DIP2C: variants seen among roughly 807,000 people sequenced by gnomAD.
DIP2C encodes the protein DIP2 acetate--CoA ligase C (putative), also known as disco-interacting protein 2 homolog C.
DIP2C carries 33 observed loss-of-function variants against 192.4 expected under a neutral mutation model. The observed-to-expected ratio is 0.17, with a 90% CI of 0.13 to 0.23. The LOEUF is 0.23. DIP2C is among the 10% of genes least tolerant of loss of function. DIP2C has a pLI of 1.00. For missense variants in DIP2C, 1,537 were observed against 2,110.1 expected, an observed-to-expected ratio of 0.73 and a Z score of 5.32; for synonymous variants, 979 against 864.1, an observed-to-expected ratio of 1.13 and a Z score of -2.33.
rs1171631769 is a variant in DIP2C at position 651,403 on chromosome 10, A to G, written c.85+38091T>C. The G allele has an allele frequency of 4.3e-6, 3 of 699,122 alleles. No homozygotes were observed. Among genetic ancestry groups the G allele is most frequent in the African/African-American group, 1.7e-5 (1 of 57,232 alleles). 43.3% of individuals were successfully genotyped at this position (699,122 alleles called of 1,614,324 possible). ...GCCCCAGCAAACTGTGGAACAACCA[A>G]ACTCGTGACTGAATGAACAAGTATG... is the stretch of plus-strand genomic sequence containing the variant. On this transcript the variant is annotated intron_variant, in intron 1 of 36. Transcript: ENST00000280886. This position sits in a 1 kb window ranked among gnomAD's most constrained non-coding sequence, Gnocchi z 4.1.
chr10:339,795 C>T (rs1047597396), intron 29 of DIP2C, among the ~76,000 whole-genome samples: 1 of 152,078 alleles, frequency 6.6e-6, no homozygotes, highest in African/African-American at 2.4e-5. Context: ...CTGAATTGTC[C>T]TAATTAGAAT....
At chr10:505,347 A>G (rs1201839222) in intron 1 of DIP2C, among the ~76,000 whole-genome samples, 1 of 152,246 alleles carries the variant, frequency 6.6e-6, no homozygotes, top group East Asian at 1.9e-4. Context: ...AGGAGAAAGC[A>G]AAACATTTGA....
At chr10:364,813 A>G in intron 19 of DIP2C, 1 of 621,572 alleles carries the variant, frequency 1.6e-6, no homozygotes, top group Non-Finnish European at 3.0e-6. Flanking sequence ...ACCTCCACTC[A>G]CCTGCTGGAG....
chr10:491,899 A>AGAT (rs1844473433), intron 1 of DIP2C, among the ~76,000 whole-genome samples: 1 of 152,202 alleles, frequency 6.6e-6, no homozygotes, highest in Non-Finnish European at 1.5e-5. Flanking sequence ...GAGGCAAAGA[A>AGAT]GATGGACCAC....
intron 1 of DIP2C, among the ~76,000 whole-genome samples, chr10:492,492 C>A (rs1468584902): frequency 6.6e-6 from 1 of 152,188 alleles, no homozygotes; most frequent in Non-Finnish European, 1.5e-5. Context: ...AACATAAAGC[C>A]TGCACTAGGA....
At chr10:409,166 G>T in intron 8 of DIP2C, 149 bp from the exon 9 acceptor site, 1 of 640,756 alleles carries the variant, frequency 1.6e-6, no homozygotes, top group Non-Finnish European at 2.6e-6. Flanking sequence ...GAGCAAAGGG[G>T]GAACTGGTAG....
In DIP2C at chr10:404,365, C is replaced by G. The variant is rs185368177; in HGVS notation, c.1149+4561G>C. On this transcript the variant is annotated intron_variant, in intron 9 of 36. Transcript: ENST00000280886. ...CTAGGACTATAGGCATGCACCACCA[C>G]ACTCAGCCAATTTTTTTCTATTTTT... Among the ~76,000 whole-genome samples, 448 of 152,180 alleles carry G rather than the reference C, an allele frequency of 2.9e-3. 1 individual carries two copies. Among genetic ancestry groups the G allele is most frequent in the Admixed American group, 0.02 (299 of 15,280 alleles).
At chr10:606,207 GC>G (rs1268468752) in intron 1 of DIP2C, among the ~76,000 whole-genome samples, 7 of 152,196 alleles carry the variant, frequency 4.6e-5, no homozygotes, top group Non-Finnish European at 1.0e-4. Context: ...GCCAGCCACG[GC>G]CCAGCAGCAC....
chr10:548,129 T>TC (rs1848384632), intron 1 of DIP2C, among the ~76,000 whole-genome samples: 1 of 148,616 alleles, frequency 6.7e-6, no homozygotes, highest in Non-Finnish European at 1.5e-5. Context: ...TGGTCCCCTG[T>TC]CCCCACCTCT....
chr10:573,432 A>G (rs556901342), intron 1 of DIP2C, among the ~76,000 whole-genome samples: 1 of 152,348 alleles, frequency 6.6e-6, no homozygotes, highest in Non-Finnish European at 1.5e-5. Flanking sequence ...TTTTTCGGAC[A>G]GGGTCGCCCT....
intron 31 of DIP2C, among the ~76,000 whole-genome samples, chr10:324,030 G>T (rs1334324946): frequency 6.6e-6 from 1 of 152,072 alleles, no homozygotes; most frequent in East Asian, 1.9e-4. Context: ...CTGGACTCTC[G>T]CCCGCACGAC....
intron 14 of DIP2C, among the ~76,000 whole-genome samples, chr10:384,933 G>A (rs1364997841): frequency 1.3e-5 from 2 of 151,522 alleles, no homozygotes; most frequent in African/African-American, 4.8e-5. Context: ...GCGGACACCA[G>A]GCTGCACGGG....
At chr10:358,781 T>G (rs1334697942) in intron 22 of DIP2C, among the ~76,000 whole-genome samples, 4 of 4,964 alleles carry the variant, frequency 8.1e-4, no homozygotes, top group Admixed American at 7.6e-3. Context: ...GGGTGGGAGG[T>G]GGGGGACGGG....
chr10:646,649 A>G (rs552872109), intron 1 of DIP2C, among the ~76,000 whole-genome samples: 1 of 152,376 alleles, frequency 6.6e-6, no homozygotes, highest in Non-Finnish European at 1.5e-5. Flanking sequence ...CAATTACTAA[A>G]ATAACAACTC....
chr10:458,291 G>C (rs1408649470), intron 3 of DIP2C, among the ~76,000 whole-genome samples: 1 of 152,240 alleles, frequency 6.6e-6, no homozygotes, highest in Non-Finnish European at 1.5e-5. Flanking sequence ...GAGTTGTTCA[G>C]AGAGAACACA....
intron 1 of DIP2C, among the ~76,000 whole-genome samples, chr10:606,963 C>G (rs1229818762): frequency 6.6e-6 from 1 of 152,210 alleles, no homozygotes; most frequent in Non-Finnish European, 1.5e-5. Flanking sequence ...ACACCCCAAA[C>G]CCAAGTCCCT....
At chr10:425,965 T>C (rs975126930) in intron 4 of DIP2C, among the ~76,000 whole-genome samples, 1 of 152,232 alleles carries the variant, frequency 6.6e-6, no homozygotes, top group East Asian at 1.9e-4. Context: ...AAGACAAAGA[T>C]GTCCCCTCTT....
chr10:313,044 T>C (rs767180074), intron 31 of DIP2C, among the ~76,000 whole-genome samples: 6 of 152,178 alleles, frequency 3.9e-5, no homozygotes, highest in Non-Finnish European at 5.9e-5. Flanking sequence ...TAAGCATTAA[T>C]AGAGAAGAAT....
At position 390,382 on chromosome 10, in the gene DIP2C, T is replaced by TA. The variant is rs1564651012; in HGVS notation, c.1385-10dup. On this transcript the variant is annotated splice_polypyrimidine_tract_variant and intron_variant, in intron 11 of 36. Coordinates refer to ENST00000280886, the MANE Select transcript of DIP2C (RefSeq NM_014974.3). ...CAGCAGCTTTGGCCAACCTTGGAAA[T>TA]AAACAACAAGTTCCTTTTAAATGTT... is the stretch of plus-strand genomic sequence containing the variant. The TA allele has an allele frequency of 2.5e-6, 4 of 1,612,538 alleles. No homozygotes were observed. The highest frequency in any genetic ancestry group is 3.4e-6 in the Non-Finnish European group (4 of 1,178,862).
Sources: gnomAD v4.1 joint callset for allele counts (sites outside exome capture counted in the v4.1 genomes callset) on GRCh38, gnomAD v4.1.1 for gene constraint, Gnocchi (gnomAD v3.1) non-coding constraint, MANE v1.5 for transcripts, NCBI Gene and HGNC (gene_info 2026-07-23, HGNC 2026-07-21) for gene names.